Variants in FRMD4A observed in about 807,000 individuals in gnomAD.
The protein encoded by FRMD4A is FERM domain-containing protein 4A.
A neutral mutation model predicts 129.1 loss-of-function variants in FRMD4A; 29 were observed. The observed-to-expected ratio is 0.22, with a 90% CI of 0.17 to 0.31. FRMD4A has a LOEUF of 0.31. Among genes scored for constraint, FRMD4A ranks in the 10% least tolerant of loss-of-function variants. The probability of loss-of-function intolerance (pLI) is 1.00; values close to 1 mark genes in which losing one functional copy is unlikely to be tolerated. For missense variants in FRMD4A, 1,272 were observed against 1,375.8 expected (o/e 0.92, Z 1.19); for synonymous variants, 634 against 571.6 (o/e 1.11, Z -1.56).
chr10:14,321,553 G>A (rs901066583), intron 2 of FRMD4A, among the ~76,000 whole-genome samples: 2 of 152,126 alleles, frequency 1.3e-5, no homozygotes, highest in Non-Finnish European at 2.9e-5. Flanking sequence ...GGCTGGGCAG[G>A]TAGGCAGAGA....
chr10:13,683,310 C>A (rs1278499374), intron 15 of FRMD4A, among the ~76,000 whole-genome samples: 1 of 152,086 alleles, frequency 6.6e-6, no homozygotes, highest in Non-Finnish European at 1.5e-5. Context: ...ATAGGCCGGG[C>A]CTGGTGGCTT....
At chr10:14,009,901 G>C (rs2095675239) in intron 2 of FRMD4A, among the ~76,000 whole-genome samples, 1 of 152,032 alleles carries the variant, frequency 6.6e-6, no homozygotes, top group Non-Finnish European at 1.5e-5. Context: ...TCTCTTTCTT[G>C]CTTCTTGCCT....
intron 2 of FRMD4A, among the ~76,000 whole-genome samples, chr10:14,193,831 A>T (rs1842393310): frequency 6.6e-6 from 1 of 152,158 alleles, no homozygotes; most frequent in South Asian, 2.1e-4. Context: ...GTTGATGGAA[A>T]TGCGTTGCTC....
At chr10:13,658,132 TAAAAAAAAAAAAAAAA>T (rs565374030) in intron 21 of FRMD4A, among the ~76,000 whole-genome samples, 1 of 81,240 alleles carries the variant, frequency 1.2e-5, no homozygotes, top group Non-Finnish European at 2.4e-5. Flanking sequence ...CTGTCTCTCT[TAAAAAAAAAAAAAAAA>T]AAAAAAAAAG....
At position 14,102,949 on chromosome 10, in the gene FRMD4A, T is replaced by C. The variant is rs924000323; in HGVS notation, c.45+227109A>G. ...GATTACGTGCATGGGAGGTTTCATGTGGGGCAACCTGTCACAGCCACTTTC... is the reference window on the plus strand; with the variant it reads ...GATTACGTGCATGGGAGGTTTCATGCGGGGCAACCTGTCACAGCCACTTTC... On this transcript the variant is annotated intron_variant, in intron 2 of 24. Transcript: ENST00000357447. Among the ~76,000 whole-genome samples, 3 of 152,338 alleles carry C rather than the reference T, an allele frequency of 2.0e-5. No individual in the cohort carries two copies. The East Asian group carries it at 5.8e-4, about 29-fold the overall frequency.
At chr10:13,881,506 A>G (rs1032613002) in intron 2 of FRMD4A, among the ~76,000 whole-genome samples, 1 of 152,222 alleles carries the variant, frequency 6.6e-6, no homozygotes, top group African/African-American at 2.4e-5. Flanking sequence ...GAGAGAAAGC[A>G]GAGCTCCCTA....
At chr10:14,328,591 C>T (rs1211095836) in intron 2 of FRMD4A, among the ~76,000 whole-genome samples, 1 of 149,858 alleles carries the variant, frequency 6.7e-6, no homozygotes, top group South Asian at 2.1e-4. Context: ...GGATTTATTT[C>T]TGTTAGTGTA....
intron 2 of FRMD4A, among the ~76,000 whole-genome samples, chr10:14,073,735 C>A (rs181698740): frequency 6.6e-6 from 1 of 152,234 alleles, no homozygotes; most frequent in African/African-American, 2.4e-5. Context: ...TTGTGACCTA[C>A]CCACTGGTCA....
intron 2 of FRMD4A, among the ~76,000 whole-genome samples, chr10:14,247,282 G>C (rs1277504200): frequency 6.6e-6 from 1 of 152,172 alleles, no homozygotes; most frequent in Admixed American, 6.5e-5. Context: ...TAGACATTCA[G>C]TTACAGCCCA....
chr10:14,029,608 G>A (rs1833141174), intron 2 of FRMD4A, among the ~76,000 whole-genome samples: 2 of 152,284 alleles, frequency 1.3e-5, no homozygotes, highest in African/African-American at 2.4e-5. Context: ...TGAAGATCAG[G>A]TTTGGGCAGG....
At chr10:13,921,529 G>A (rs187675656) in intron 2 of FRMD4A, among the ~76,000 whole-genome samples, 1 of 152,270 alleles carries the variant, frequency 6.6e-6, no homozygotes, top group East Asian at 1.9e-4. Flanking sequence ...CCGAAGTGTT[G>A]GAATTATAGG....
intron 2 of FRMD4A, among the ~76,000 whole-genome samples, chr10:14,305,467 T>C (rs1338562945): frequency 2.6e-5 from 4 of 152,336 alleles, no homozygotes; most frequent in South Asian, 4.1e-4. Flanking sequence ...TATTGGAATC[T>C]ACAAAGTTCT....
At chr10:14,055,203 A>C (rs1335995193) in intron 2 of FRMD4A, among the ~76,000 whole-genome samples, 1 of 152,182 alleles carries the variant, frequency 6.6e-6, no homozygotes, top group East Asian at 1.9e-4. Flanking sequence ...TTGTTAATAA[A>C]ATTAATGAAT....
chr10:13,705,027 T>C (rs2087275630), intron 13 of FRMD4A, among the ~76,000 whole-genome samples: 1 of 152,136 alleles, frequency 6.6e-6, no homozygotes, highest in Non-Finnish European at 1.5e-5. Flanking sequence ...TGAGCTATGA[T>C]TGCACCACTG....
At chr10:14,314,406 G>A (rs1022923675) in intron 2 of FRMD4A, among the ~76,000 whole-genome samples, 2 of 152,138 alleles carry the variant, frequency 1.3e-5, no homozygotes, top group Non-Finnish European at 2.9e-5. Context: ...TATAGTTTAG[G>A]AAGGCATCCT....
chr10:13,747,666 A>C, intron 9 of FRMD4A, 70 bp downstream of exon 9: 1 of 816,544 alleles, frequency 1.2e-6, no homozygotes. Context: ...GGGAGGGTAC[A>C]TTCAGTTGTC....
chr10:13,752,884 G>A (rs935505611), intron 8 of FRMD4A, among the ~76,000 whole-genome samples: 27 of 152,090 alleles, frequency 1.8e-4, no homozygotes, highest in Non-Finnish European at 8.8e-5. Flanking sequence ...TTCTATTTGC[G>A]CCCACTTGCT....
At chr10:13,654,878 C>T (rs568944734) in intron 22 of FRMD4A, 4 of 259,886 alleles carry the variant, frequency 1.5e-5, no homozygotes, top group South Asian at 9.2e-5. Flanking sequence ...GTCCTTTGAG[C>T]GAGACCTGAG....
intron 2 of FRMD4A, among the ~76,000 whole-genome samples, chr10:13,921,715 T>C (rs937443408): frequency 6.6e-6 from 1 of 152,270 alleles, no homozygotes; most frequent in Middle Eastern, 3.4e-3. Context: ...ATTCAGGCCA[T>C]AGCAGCACAT....
Sources: allele counts gnomAD v4.1 joint callset (sites outside exome capture counted in the v4.1 genomes callset), GRCh38; gene constraint gnomAD v4.1.1; transcripts MANE v1.5; gene names NCBI Gene and HGNC (gene_info 2026-07-23, HGNC 2026-07-21).